Variants in FLT1 observed in about 807,000 individuals in gnomAD.
FLT1 encodes fms related receptor tyrosine kinase 1.
Under a neutral mutation model 156.3 loss-of-function variants are expected in FLT1, and 49 were observed. That is an observed-to-expected ratio of 0.31 (90% CI 0.25 to 0.40). FLT1 has a LOEUF of 0.40. Among genes scored for constraint, FLT1 ranks in the 10% least tolerant of loss-of-function variants. The probability of loss-of-function intolerance (pLI) is 1.00; values close to 1 mark genes in which losing one functional copy is unlikely to be tolerated. For synonymous variants in FLT1, 594 were observed against 583.8 expected (o/e 1.02, Z -0.25); for missense variants, 1,322 against 1,637.2 (o/e 0.81, Z 3.32).
chr13:28,432,568 G>A (rs1158118480), intron 6 of FLT1, among the ~76,000 whole-genome samples: 1 of 152,178 alleles, frequency 6.6e-6, no homozygotes, highest in Admixed American at 6.5e-5. Flanking sequence ...CACCAGCCAC[G>A]TGTGGCTATT....
intron 1 of FLT1, among the ~76,000 whole-genome samples, chr13:28,478,521 G>A (rs1016725816): frequency 1.3e-5 from 2 of 152,202 alleles, no homozygotes; most frequent in Non-Finnish European, 2.9e-5. Context: ...TTCCGTATAG[G>A]AGCTTGCCAT....
intron 27 of FLT1, 24 bp downstream of exon 27, chr13:28,311,566 T>C (rs765831575): frequency 1.9e-6 from 3 of 1,601,788 alleles, no homozygotes; most frequent in Admixed American, 1.7e-5. Flanking sequence ...TTCTGTGATA[T>C]AAAGTTTGAG....
intron 14 of FLT1, among the ~76,000 whole-genome samples, chr13:28,367,274 A>G (rs1314233832): frequency 6.6e-6 from 1 of 152,226 alleles, no homozygotes; most frequent in African/African-American, 2.4e-5. Flanking sequence ...CATTAGCCCC[A>G]AAAGGACAAG....
intron 15 of FLT1, among the ~76,000 whole-genome samples, chr13:28,357,173 T>G (rs1171168455): frequency 6.7e-6 from 1 of 150,276 alleles, no homozygotes; most frequent in African/African-American, 2.4e-5. Context: ...AGTGTGCGAG[T>G]TCCCCCTCCT....
chr13:28,398,055 A>G (rs1279156908), intron 11 of FLT1, among the ~76,000 whole-genome samples: 1 of 152,214 alleles, frequency 6.6e-6, no homozygotes, highest in Non-Finnish European at 1.5e-5. Context: ...AATTGGCAAT[A>G]TGAAACAAAT....
chr13:28,434,149 T>G lies in FLT1; in HGVS notation c.585A>C (p.Ser195=). 6.2e-7 allele frequency: 1 copy of G among 1,614,088 alleles called. No homozygotes were observed. The highest frequency in any genetic ancestry group is 8.5e-7 in the Non-Finnish European group (1 of 1,179,966). ...GCCCTATTTCTTTGTACGTTGCATTTGATATGATGAAGCCCTTTCTACTGT... is the reference window on the plus strand; with the variant it reads ...GCCCTATTTCTTTGTACGTTGCATTGGATATGATGAAGCCCTTTCTACTGT... ...IWDSRKGFII[S]NATYKEIGLL... Residue 195 remains serine, a synonymous_variant, in exon 5 of 30, where the codon TCA becomes TCC. Transcript: ENST00000282397.
chr13:28,449,574 GA>G (rs34973045), intron 3 of FLT1, among the ~76,000 whole-genome samples: 38,662 of 152,052 alleles, frequency 0.25, 5,233 homozygotes, highest in Non-Finnish European at 0.31. Context: ...AGGAATATCA[GA>G]AAATCAGTTG....
intron 10 of FLT1, among the ~76,000 whole-genome samples, chr13:28,423,352 T>C (rs1015693142): frequency 4.6e-5 from 7 of 152,208 alleles, no homozygotes; most frequent in African/African-American, 1.7e-4. Flanking sequence ...TTCCTTAATT[T>C]TTCTTCTTCT....
intron 14 of FLT1, among the ~76,000 whole-genome samples, chr13:28,361,730 T>G (rs1466668443): frequency 1.3e-5 from 2 of 152,154 alleles, no homozygotes; most frequent in African/African-American, 4.8e-5. Flanking sequence ...TAGATGAAAA[T>G]GATTGTTTTA....
chr13:28,388,810 G>GA, intron 13 of FLT1: 1 of 1,060,376 alleles, frequency 9.4e-7, no homozygotes, highest in Non-Finnish European at 1.1e-6. Context: ...GTACACCTTT[G>GA]AATGCTGTCA....
Position 28,480,546 on chromosome 13 carries a change from C to T in FLT1, c.65-12929G>A, listed in dbSNP as rs560710936. Among the ~76,000 whole-genome samples the T allele has an allele frequency of 5.9e-5, 9 of 152,276 alleles. No individual in the cohort carries two copies. In the South Asian group the frequency reaches 1.9e-3, roughly 32 times the overall value. ...ATTAGAATAAAGTTGGAGGTGAGAC[C>T]TGAAGAATCAATGTGTATTTGCTAA... On this transcript the variant is annotated intron_variant, in intron 1 of 29. Transcript: ENST00000282397.
intron 3 of FLT1, among the ~76,000 whole-genome samples, chr13:28,446,110 T>C (rs1878602689): frequency 6.6e-6 from 1 of 152,198 alleles, no homozygotes; most frequent in African/African-American, 2.4e-5. Flanking sequence ...CCAAGCTCCT[T>C]TCGTGATGAA....
intron 10 of FLT1, among the ~76,000 whole-genome samples, chr13:28,417,127 GAAC>G (rs1298388286): frequency 6.6e-6 from 1 of 152,168 alleles, no homozygotes; most frequent in Non-Finnish European, 1.5e-5. Context: ...ATAGATAGCA[GAAC>G]ATCCAGGCAC....
Position 28,306,692 on chromosome 13 carries a change from G to C in FLT1, c.3801C>G (p.Ala1267=), listed in dbSNP as rs758117530. The C allele has an allele frequency of 6.2e-7, 1 of 1,612,186 alleles. No individual in the cohort carries two copies. The highest frequency in any genetic ancestry group is 1.1e-5 in the South Asian group (1 of 91,042). The stretch of plus-strand genomic sequence containing the variant: ...CCAATTCTTACTCAATCTTGAGCGA[G>C]GCCTTGGGTTTGCTGTCAGTCCAGG... ...RFTWTDSKPK[A]SLKIDLRVTS... The change falls in exon 29 of 30, where the codon GCC becomes GCG. Residue 1267 remains alanine (A), a synonymous_variant. Transcript: ENST00000282397.
intron 11 of FLT1, chr13:28,399,232 A>G: frequency 1.7e-6 from 1 of 572,016 alleles, no homozygotes; most frequent in Non-Finnish European, 3.0e-6. Context: ...GCTCAGATGA[A>G]GCCTTTTTAA....
intron 1 of FLT1, among the ~76,000 whole-genome samples, chr13:28,477,160 C>T (rs903487929): frequency 2.6e-5 from 4 of 152,180 alleles, no homozygotes; most frequent in South Asian, 2.1e-4. Flanking sequence ...TTCCGCATGC[C>T]TCTCTGAGCT....
intron 10 of FLT1, among the ~76,000 whole-genome samples, chr13:28,412,398 TTCTTTCTTTCTTCTCTTTCTCTC>T (rs1876342937): frequency 6.7e-6 from 1 of 149,010 alleles, no homozygotes; most frequent in East Asian, 2.0e-4. Context: ...CTTTCTTTCT[TTCTTTCTTTCTTCTCTTTCTCTC>T]TCTCTTTCTT....
intron 4 of FLT1, among the ~76,000 whole-genome samples, chr13:28,435,315 C>T (rs375200619): frequency 4.3e-4 from 66 of 152,322 alleles, no homozygotes; most frequent in African/African-American, 1.4e-3. Context: ...CTTCTTCTGA[C>T]ATCAAGAATG....
At position 28,329,727 on chromosome 13, in the gene FLT1, C is replaced by G; in HGVS notation, c.2595G>C (p.Glu865Asp). 1 of 1,613,372 alleles carries G rather than the reference C, an allele frequency of 6.2e-7. No individual in the cohort carries two copies. The highest frequency in any genetic ancestry group is 8.5e-7 in the Non-Finnish European group (1 of 1,179,432). The part of the protein sequence containing the change: ...CRTVAVKMLK[E>D]GATASEYKAL... ...CTTTGTACTCGCTGGCCGTGGCCCC[C>G]TCTGTGTGAGAAGCAAGGAAGAGTC... The change falls in exon 19 of 30, where the codon GAG becomes GAC. Residue 865 changes from glutamate (E) to aspartate (D), a missense_variant and splice_region_variant. Glu to Asp is a conservative substitution (Grantham distance 45). Around this residue, in one of 3 missense-constraint regions of FLT1, gnomAD observed 991 missense variants for 1,254.8 expected, o/e 0.79. Coordinates refer to ENST00000282397, the MANE Select transcript of FLT1 (RefSeq NM_002019.4).
Sources: allele counts gnomAD v4.1 joint callset (sites outside exome capture counted in the v4.1 genomes callset), GRCh38; gene constraint gnomAD v4.1.1; regional missense constraint gnomAD v4.1.1; transcripts MANE v1.5; gene names NCBI Gene and HGNC (gene_info 2026-07-23, HGNC 2026-07-21).